The following SLC16A7 variants were observed in gnomAD, a reference collection of about 807,000 sequenced individuals.
The protein encoded by SLC16A7 is monocarboxylate transporter 2.
SLC16A7 carries 33 observed loss-of-function variants against 34.9 expected under a neutral mutation model. The ratio of observed to expected loss-of-function variants is 0.94; its 90% CI spans 0.72 to 1.26. The LOEUF is 1.26. Ranked by LOEUF, SLC16A7 falls within the 50% of genes most tolerant of loss-of-function variation. The pLI is 0.00. For missense variants in SLC16A7, 573 were observed against 578.1 expected, an observed-to-expected ratio of 0.99 and a Z score of 0.09; for synonymous variants, 201 against 206.6, an observed-to-expected ratio of 0.97 and a Z score of 0.23.
intron 3 of SLC16A7, among the ~76,000 whole-genome samples, chr12:59,721,005 C>T (rs1875513248): frequency 6.6e-6 from 1 of 152,010 alleles, no homozygotes; most frequent in African/African-American, 2.4e-5. Context: ...CAGCTTAGTT[C>T]CTTTGAGTCT....
chr12:59,754,499 A>C (rs1235957553), intron 3 of SLC16A7, among the ~76,000 whole-genome samples: 1 of 152,228 alleles, frequency 6.6e-6, no homozygotes, highest in Non-Finnish European at 1.5e-5. Flanking sequence ...ATAAACTAGA[A>C]AATCTAGAAG....
At position 59,789,817 on chromosome 12, in the gene SLC16A7, TTAAAA is replaced by T. The variant is rs1169292915; in HGVS notation, c.*10144_*10148del. 16 of 149,238 alleles carry T rather than the reference TTAAAA, an allele frequency of 1.1e-4. No homozygotes were observed. Among genetic ancestry groups the T allele is most frequent in the Admixed American group, 1.1e-3 (16 of 14,962 alleles). The allele number at this position is 149,238 out of a possible 1,614,324, so 9.2% of individuals were successfully genotyped here. On this transcript the variant is annotated 3_prime_UTR_variant, in exon 6 of 6. Coordinates refer to ENST00000547379, the MANE Select transcript of SLC16A7 (RefSeq NM_001270623.2). ...ACCTGTATTGCTTATTAAATTAAAATTAAAATAAAAAAATTCATGTTAAATTTTTG... is the reference window on the plus strand; with the variant it reads ...ACCTGTATTGCTTATTAAATTAAAATTAAAAAAATTCATGTTAAATTTTTG...
chr12:59,749,280 A>G (rs931500610), intron 3 of SLC16A7, among the ~76,000 whole-genome samples: 1 of 152,224 alleles, frequency 6.6e-6, no homozygotes, highest in African/African-American at 2.4e-5. Context: ...ACCAGCTGCC[A>G]GTCTTTTTGC....
At chr12:59,721,941 G>A (rs1318942336) in intron 3 of SLC16A7, among the ~76,000 whole-genome samples, 1 of 151,776 alleles carries the variant, frequency 6.6e-6, no homozygotes, top group Non-Finnish European at 1.5e-5. Context: ...AATTCTCAAT[G>A]TTCAAAAGTT....
chr12:59,784,670 T>A lies in SLC16A7; in HGVS notation c.*4991T>A, dbSNP rs1592290739. On this transcript the variant is annotated 3_prime_UTR_variant, in exon 6 of 6. Coordinates refer to ENST00000547379, the MANE Select transcript of SLC16A7 (RefSeq NM_001270623.2). ...TTCTCCATCTAGACTTTTGCAGTCC[T>A]TAGACTATAGTTCTCCTTAGCTCTA... is the stretch of plus-strand genomic sequence containing the variant. 6.6e-6 allele frequency: 1 copy of A among 152,194 alleles called. No individual in the cohort carries two copies. Among genetic ancestry groups the A allele is most frequent in the East Asian group, 1.9e-4 (1 of 5,194 alleles). The allele number at this position is 152,194 out of a possible 1,614,324, so 9.4% of individuals were successfully genotyped here.
At chr12:59,603,389 C>A (rs1878782445) in intron 1 of SLC16A7, among the ~76,000 whole-genome samples, 1 of 152,214 alleles carries the variant, frequency 6.6e-6, no homozygotes, top group African/African-American at 2.4e-5. Flanking sequence ...TCATACTCAA[C>A]TCAAATGGAA....
At position 59,782,797 on chromosome 12, in the gene SLC16A7, A is replaced by T. The variant is rs1883340423; in HGVS notation, c.*3118A>T. 6.6e-6 allele frequency: 1 copy of T among 152,150 alleles called. No individual in the cohort carries two copies. Among genetic ancestry groups the T allele is most frequent in the Admixed American group, 6.5e-5 (1 of 15,272 alleles). 9.4% of individuals were successfully genotyped at this position (152,150 alleles called of 1,614,324 possible). ...TTCACCTAGCACACCTTAAGAGACA[A>T]AAAATCAGGTTTTAGTGTATTTCAC... On this transcript the variant is annotated 3_prime_UTR_variant, in exon 6 of 6. Transcript: ENST00000547379.
chr12:59,738,668 A>T (rs1428811508), intron 3 of SLC16A7, among the ~76,000 whole-genome samples: 2 of 152,202 alleles, frequency 1.3e-5, no homozygotes, highest in South Asian at 2.1e-4. Flanking sequence ...TGACCCACAG[A>T]TGAGCTTTGC....
chr12:59,708,249 G>A (rs1201635756), intron 3 of SLC16A7, among the ~76,000 whole-genome samples: 1 of 152,034 alleles, frequency 6.6e-6, no homozygotes, highest in Non-Finnish European at 1.5e-5. Context: ...TCTACAGAAT[G>A]CTTAGCTTCT....
chr12:59,604,128 C>T (rs1878822111), intron 1 of SLC16A7, among the ~76,000 whole-genome samples: 1 of 152,188 alleles, frequency 6.6e-6, no homozygotes, highest in Non-Finnish European at 1.5e-5. Context: ...AGTAATTCAA[C>T]TTTAGGAAAG....
chr12:59,707,210 G>A (rs1179700576), intron 3 of SLC16A7, among the ~76,000 whole-genome samples: 2 of 152,052 alleles, frequency 1.3e-5, no homozygotes, highest in Non-Finnish European at 2.9e-5. Flanking sequence ...GCCCTACCCA[G>A]AGTTAGGGGC....
chr12:59,605,380 G>A (rs1263861374), intron 1 of SLC16A7, among the ~76,000 whole-genome samples: 1 of 152,162 alleles, frequency 6.6e-6, no homozygotes, highest in East Asian at 1.9e-4. Flanking sequence ...CAAGGTGGTA[G>A]GGATAGAATA....
intron 3 of SLC16A7, among the ~76,000 whole-genome samples, chr12:59,712,399 A>C (rs188834172): frequency 1.3e-5 from 2 of 152,242 alleles, no homozygotes; most frequent in Non-Finnish European, 2.9e-5. Flanking sequence ...TATGATTTGA[A>C]TAGTGGACAA....
At chr12:59,669,821 C>A (rs1373174621) in intron 2 of SLC16A7, among the ~76,000 whole-genome samples, 2 of 152,072 alleles carry the variant, frequency 1.3e-5, no homozygotes, top group Non-Finnish European at 1.5e-5. Context: ...AGTCACATAA[C>A]CTGTAAGAAC....
intron 3 of SLC16A7, among the ~76,000 whole-genome samples, chr12:59,734,683 T>C (rs1342356420): frequency 6.6e-6 from 1 of 152,282 alleles, no homozygotes; most frequent in Non-Finnish European, 1.5e-5. Context: ...AGGCAGCCTC[T>C]GCTGCCATTA....
intron 3 of SLC16A7, among the ~76,000 whole-genome samples, chr12:59,726,509 T>A (rs912910657): frequency 2.0e-5 from 3 of 152,166 alleles, no homozygotes; most frequent in African/African-American, 7.2e-5. Context: ...TTTGTTTGTT[T>A]CATACAATCT....
intron 1 of SLC16A7, among the ~76,000 whole-genome samples, chr12:59,629,740 T>C (rs1328855815): frequency 4.0e-5 from 6 of 151,034 alleles, no homozygotes; most frequent in Non-Finnish European, 8.9e-5. Flanking sequence ...CAATTTAGTA[T>C]ACTTTTTTTT....
At chr12:59,633,216 T>C (rs1488019156) in intron 1 of SLC16A7, among the ~76,000 whole-genome samples, 1 of 152,054 alleles carries the variant, frequency 6.6e-6, no homozygotes, top group African/African-American at 2.4e-5. Flanking sequence ...TTGTATTTGC[T>C]AATATCAGTT....
At chr12:59,727,951 A>G (rs1036681015) in intron 3 of SLC16A7, among the ~76,000 whole-genome samples, 1 of 152,172 alleles carries the variant, frequency 6.6e-6, no homozygotes, top group African/African-American at 2.4e-5. Flanking sequence ...AGCCACATGT[A>G]TACTGATGTC....
Sources: allele counts gnomAD v4.1 joint callset (sites outside exome capture counted in the v4.1 genomes callset), GRCh38; gene constraint gnomAD v4.1.1; transcripts MANE v1.5; gene names NCBI Gene and HGNC (gene_info 2026-07-23, HGNC 2026-07-21).